TBC1D16: variants seen among roughly 807,000 people sequenced by gnomAD.
The protein encoded by TBC1D16 is CTD-2529O21.1.
In TBC1D16, 58 loss-of-function variants were observed where a neutral mutation model predicts 74.7. That is an observed-to-expected ratio of 0.78 (90% CI 0.63 to 0.97). The LOEUF (loss-of-function observed/expected upper bound fraction) is 0.97, where lower values mean the gene tolerates loss of function less well. Among genes scored for constraint, TBC1D16 ranks in the 50% least tolerant of loss-of-function variants. The pLI is 0.00. For synonymous variants in TBC1D16, 493 were observed against 474.7 expected (o/e 1.04, Z -0.50); for missense variants, 1,014 against 1,079.5 (o/e 0.94, Z 0.85).
intron 1 of TBC1D16, among the ~76,000 whole-genome samples, chr17:80,018,032 A>T (rs1598433442): frequency 6.6e-6 from 1 of 152,306 alleles, no homozygotes. Flanking sequence ...TGTTATCCAG[A>T]ATAGTTTAAG....
rs1458459249 is a variant in TBC1D16 at position 79,944,341 on chromosome 17, G to GT, written c.1908+566dup. On this transcript the variant is annotated intron_variant, in intron 10 of 11. Coordinates refer to ENST00000310924, the MANE Select transcript of TBC1D16 (RefSeq NM_019020.4). The surrounding 1 kb of genome is among the most constrained non-coding windows in gnomAD (Gnocchi z 7.7). ...TTTTGACATCTCCAGCTTGTCCCTAGTTTGGGCGTTAAGGCCATGTGACAG... is the reference window on the plus strand; with the variant it reads ...TTTTGACATCTCCAGCTTGTCCCTAGTTTTGGGCGTTAAGGCCATGTGACAG... 6.6e-6 allele frequency among the ~76,000 whole-genome samples: 1 copy of GT among 152,218 alleles called. No homozygotes were observed. The highest frequency in any genetic ancestry group is 2.4e-5 in the African/African-American group (1 of 41,448).
At chr17:80,004,000 G>A (rs1450995077) in intron 3 of TBC1D16, among the ~76,000 whole-genome samples, 1 of 152,266 alleles carries the variant, frequency 6.6e-6, no homozygotes, top group Admixed American at 6.5e-5. Context: ...AGTGAGCTGT[G>A]ATTGTGCTGC....
In TBC1D16 at chr17:79,975,116, G is replaced by A. The variant is rs1293597257; in HGVS notation, c.780-22298C>T. On this transcript the variant is annotated intron_variant, in intron 3 of 11. Transcript: ENST00000310924. This position sits in a 1 kb window ranked among gnomAD's most constrained non-coding sequence, Gnocchi z 4.5. ...GTTACTTGCAAGGCCACAAACACCCGGAACAATCCGCCAGGCCGCGTCACT... is the reference window on the plus strand; with the variant it reads ...GTTACTTGCAAGGCCACAAACACCCAGAACAATCCGCCAGGCCGCGTCACT... Among the ~76,000 whole-genome samples the A allele has an allele frequency of 1.3e-5, 2 of 152,208 alleles. No homozygotes were observed. The highest frequency in any genetic ancestry group is 1.9e-4 in the East Asian group (1 of 5,206).
In TBC1D16 at chr17:79,993,862, G is replaced by A. The variant is rs561099551; in HGVS notation, c.779+16298C>T. ...TGTATTCAGAGCAGCTCAGCCCCTCGAGAGCACCAGGAGCCCCCAGCCCCC... is the reference window on the plus strand; with the variant it reads ...TGTATTCAGAGCAGCTCAGCCCCTCAAGAGCACCAGGAGCCCCCAGCCCCC... On this transcript the variant is annotated intron_variant, in intron 3 of 11. Transcript: ENST00000310924. The surrounding 1 kb of genome is among the most constrained non-coding windows in gnomAD (Gnocchi z 5.1). Among the ~76,000 whole-genome samples, 418 of 151,910 alleles carry A rather than the reference G, an allele frequency of 2.8e-3. No individual in the cohort carries two copies. Among genetic ancestry groups the A allele is most frequent in the Non-Finnish European group, 3.9e-3 (264 of 67,894 alleles).
In TBC1D16 at chr17:79,952,813, G is replaced by T. The variant is rs559517523; in HGVS notation, c.785C>A (p.Pro262Gln). 14 of 1,606,966 alleles carry T rather than the reference G, an allele frequency of 8.7e-6. 1 individual carries two copies. The Admixed American group carries it at 2.0e-4, about 23-fold the overall frequency. The change falls in exon 4 of 12, where the codon CCG (proline) becomes CAG (glutamine). Residue 262 changes from proline (P) to glutamine (Q), a missense_variant. Pro to Gln is a moderately conservative substitution (Grantham distance 76, BLOSUM62 -1). Coordinates refer to ENST00000310924, the MANE Select transcript of TBC1D16 (RefSeq NM_019020.4). ...CCGCAGGCCGGCGTCGGAGCTGGAC[G>T]GGGGGCTGGTGGAACAGGTTATGTG... ...SVFLESDSSPPSSSDAGLRFP... is the reference protein window; with the variant it reads ...SVFLESDSSPQSSSDAGLRFP...
intron 7 of TBC1D16, 22 bp downstream of exon 7, chr17:79,949,695 C>T (rs768335667): frequency 3.8e-6 from 6 of 1,589,596 alleles, no homozygotes; most frequent in Non-Finnish European, 5.2e-6. Context: ...GCGGGGTGGG[C>T]CGGGCTGGCC....
At chr17:80,004,799 C>G (rs2035614811) in intron 3 of TBC1D16, among the ~76,000 whole-genome samples, 1 of 152,080 alleles carries the variant, frequency 6.6e-6, no homozygotes, top group Admixed American at 6.5e-5. Flanking sequence ...CTGAGCTTCC[C>G]AAGTAGCTGG....
At chr17:80,024,723 C>T (rs961501891) in intron 1 of TBC1D16, among the ~76,000 whole-genome samples, 19 of 28,420 alleles carry the variant, frequency 6.7e-4, no homozygotes, top group Admixed American at 3.3e-3. Flanking sequence ...CATAGTCACA[C>T]CACACATACA....
rs1222754933 is a variant in TBC1D16, at chr17:79,993,631, G to C, written c.779+16529C>G. On this transcript the variant is annotated intron_variant, in intron 3 of 11. Transcript: ENST00000310924. The surrounding 1 kb of genome is among the most constrained non-coding windows in gnomAD (Gnocchi z 5.1). ...CAGGGAAGATTTCATCAGGTGCTGG[G>C]TTACATTGCAACAGCCAGGCGTGGT... is the stretch of plus-strand genomic sequence containing the variant. 1.3e-5 allele frequency: 2 copies of C among 152,366 alleles called. No homozygotes were observed. Among genetic ancestry groups the C allele is most frequent in the East Asian group, 3.9e-4 (2 of 5,184 alleles). The allele number at this position is 152,366 out of a possible 1,614,324, so 9.4% of individuals were successfully genotyped here. A position where few individuals can be genotyped will look rare whatever the true frequency, so the allele number is the denominator to read the frequency against.
chr17:79,952,620 G>C, intron 4 of TBC1D16, 37 bp downstream of exon 4: 1 of 1,561,168 alleles, frequency 6.4e-7, no homozygotes, highest in Middle Eastern at 1.7e-4. Flanking sequence ...AACACACACA[G>C]GCCAACTCCC....
Position 79,935,286 on chromosome 17 carries a change from C to T in TBC1D16, c.*5573G>A, listed in dbSNP as rs7214378. 46,036 of 152,214 alleles carry T rather than the reference C, an allele frequency of 0.3. 7,173 individuals carry two copies. Among genetic ancestry groups the T allele is most frequent in the East Asian group, 0.42 (2,155 of 5,162 alleles). The allele number at this position is 152,214 out of a possible 1,614,324, so 9.4% of individuals were successfully genotyped here. A position where few individuals can be genotyped will look rare whatever the true frequency, so the allele number is the denominator to read the frequency against. On this transcript the variant is annotated 3_prime_UTR_variant, in exon 12 of 12. Coordinates refer to ENST00000310924, the MANE Select transcript of TBC1D16 (RefSeq NM_019020.4). ...CAATTCTCCCATCACCCTCCATCGC[C>T]GCCTGCTGGGGGGGCCTGAGGTCCG...
chr17:79,932,892 C>T lies in TBC1D16; in HGVS notation c.*7967G>A, dbSNP rs1428662752. On this transcript the variant is annotated 3_prime_UTR_variant, in exon 12 of 12. Transcript: ENST00000310924. ...ATTATATCATTCTAATGACTCAAAA[C>T]ATAAAATCCCCTCTTTTGTCTCATG... 1 of 152,250 alleles carries T rather than the reference C, an allele frequency of 6.6e-6. No homozygotes were observed. The highest frequency in any genetic ancestry group is 1.9e-4 in the East Asian group (1 of 5,200). The allele number at this position is 152,250 out of a possible 1,614,324, so 9.4% of individuals were successfully genotyped here.
chr17:79,946,694 C>G (rs1428699009), intron 9 of TBC1D16, among the ~76,000 whole-genome samples: 1 of 152,240 alleles, frequency 6.6e-6, no homozygotes, highest in Non-Finnish European at 1.5e-5. Flanking sequence ...GCCTTCAAGG[C>G]CCTCCATCAG....
rs999478355 is a variant in TBC1D16 at position 80,001,181 on chromosome 17, C to T, written c.779+8979G>A. Among the ~76,000 whole-genome samples, 3 of 152,228 alleles carry T rather than the reference C, an allele frequency of 2.0e-5. No homozygotes were observed. Among genetic ancestry groups the T allele is most frequent in the Non-Finnish European group, 4.4e-5 (3 of 68,046 alleles). ...GCTCTGACCAGCCAGCTGCCCTTCCCGTAACAGCTTCCCTCAGACCCCTGG... is the reference window on the plus strand; with the variant it reads ...GCTCTGACCAGCCAGCTGCCCTTCCTGTAACAGCTTCCCTCAGACCCCTGG... On this transcript the variant is annotated intron_variant, in intron 3 of 11. Coordinates refer to ENST00000310924, the MANE Select transcript of TBC1D16 (RefSeq NM_019020.4). The surrounding 1 kb of genome is among the most constrained non-coding windows in gnomAD (Gnocchi z 5.8).
chr17:80,026,828 C>G (rs1277065071), intron 1 of TBC1D16, among the ~76,000 whole-genome samples: 2 of 149,680 alleles, frequency 1.3e-5, no homozygotes, highest in Non-Finnish European at 2.9e-5. Context: ...GGCAAGGAAG[C>G]TGGATGTCAG....
intron 3 of TBC1D16, 127 bp from the exon 4 acceptor site, chr17:79,952,945 T>G: frequency 9.4e-7 from 1 of 1,060,496 alleles, no homozygotes; most frequent in Non-Finnish European, 1.3e-6. Context: ...CAGGCACGGC[T>G]GAATATGCCC....
At chr17:79,962,011 G>A (rs537035632) in intron 3 of TBC1D16, among the ~76,000 whole-genome samples, 1 of 152,162 alleles carries the variant, frequency 6.6e-6, no homozygotes, top group East Asian at 1.9e-4. Context: ...ATGGACGCAT[G>A]ACAAAATTAT....
In TBC1D16 at chr17:79,950,516, G is replaced by A. The variant is rs780521832; in HGVS notation, c.1152C>T (p.Ser384=). 1.9e-6 allele frequency: 3 copies of A among 1,613,410 alleles called. No individual in the cohort carries two copies. The highest frequency in any genetic ancestry group is 1.1e-5 in the South Asian group (1 of 90,770). ...FSIRRPKLPS[S]ETHPEESMYK... ...ACATGCTCTCCTCGGGGTGCGTCTC[G>A]GAGGACGGCAGCTTGGGGCGGCGGA... Residue 384 remains serine (S), a synonymous_variant, in exon 6 of 12, where the codon TCC becomes TCT. Coordinates refer to ENST00000310924, the MANE Select transcript of TBC1D16 (RefSeq NM_019020.4). The surrounding 1 kb of genome is among the most constrained non-coding windows in gnomAD (Gnocchi z 4.6).
At chr17:80,021,910 CATG>C (rs2036300806) in intron 1 of TBC1D16, among the ~76,000 whole-genome samples, 6 of 68,006 alleles carry the variant, frequency 8.8e-5, no homozygotes, top group Non-Finnish European at 1.5e-4. Flanking sequence ...TGACACACAC[CATG>C]ACACACACAA....
Sources: gnomAD v4.1 joint callset for allele counts (sites outside exome capture counted in the v4.1 genomes callset) on GRCh38, gnomAD v4.1.1 for gene constraint, Gnocchi (gnomAD v3.1) non-coding constraint, MANE v1.5 for transcripts, NCBI Gene and HGNC (gene_info 2026-07-23, HGNC 2026-07-21) for gene names.